CD109: variants seen among roughly 807,000 people sequenced by gnomAD.
CD109 encodes CD109 antigen.
Under a neutral mutation model 165.8 loss-of-function variants are expected in CD109, and 149 were observed. That is an observed-to-expected ratio of 0.90 (90% CI 0.79 to 1.03). CD109 has a LOEUF of 1.03. Among genes scored for constraint, CD109 ranks in the 50% least tolerant of loss-of-function variants. CD109 has a pLI of 0.00. For synonymous variants in CD109, 585 were observed against 592.1 expected (o/e 0.99, Z 0.18); for missense variants, 1,712 against 1,677.8 (o/e 1.02, Z -0.36).
chr6:73,806,499 C>G, intron 24 of CD109, among the ~76,000 whole-genome samples: 1 of 151,830 alleles, frequency 6.6e-6, no homozygotes, highest in East Asian at 1.9e-4. Flanking sequence ...TACCCTAGAA[C>G]TTAAAGTATA....
chr6:73,683,531 G>A, the CD109 span, among the ~76,000 whole-genome samples: 1 of 152,168 alleles, frequency 6.6e-6, no homozygotes, highest in Non-Finnish European at 1.5e-5. Flanking sequence ...CTTCTTCTGA[G>A]CCCTCCAAAC....
At chr6:73,734,908 A>G (rs930984418) in intron 4 of CD109, among the ~76,000 whole-genome samples, 7 of 152,244 alleles carry the variant, frequency 4.6e-5, no homozygotes, top group African/African-American at 1.4e-4. Context: ...AACATATTTT[A>G]CTGCCTTTAA....
Position 73,777,662 on chromosome 6 carries a change from A to G in CD109, c.1828-2762A>G, listed in dbSNP as rs61440772. On this transcript the variant is annotated intron_variant, in intron 15 of 32. Transcript: ENST00000287097. Reference sequence around the variant, plus strand: ...CCAGCTCTCCCAGCACCATTTATTGAATAGGAAATCCTTTCCCCATTGCTT... The same window carrying G: ...CCAGCTCTCCCAGCACCATTTATTGGATAGGAAATCCTTTCCCCATTGCTT... Among the ~76,000 whole-genome samples the G allele has an allele frequency of 6.2e-3, 939 of 152,304 alleles. 15 individuals carry two copies. Among genetic ancestry groups the G allele is most frequent in the African/African-American group, 0.021 (875 of 41,556 alleles).
chr6:73,707,999 TATATATA>T (rs1771360203), intron 2 of CD109, among the ~76,000 whole-genome samples: 3 of 89,086 alleles, frequency 3.4e-5, no homozygotes, highest in African/African-American at 1.2e-4. Context: ...TATATATATA[TATATATA>T]TATTTATTAT....
chr6:73,788,504 T>G lies in CD109; in HGVS notation c.2593T>G (p.Leu865Val), dbSNP rs779134654. Reference protein sequence around the residue: ...GIEKSYSQSILLDLTDNRLQS... With the variant: ...GIEKSYSQSIVLDLTDNRLQS... ...AGAAAAATCATATTCACAATCCATC[T>G]TATTAGACTTGACTGACAATAGGCT... The change falls in exon 22 of 33, where the codon TTA becomes GTA. Residue 865 changes from leucine (L) to valine (V), a missense_variant. Leu to Val is a conservative substitution (Grantham distance 32). Coordinates refer to ENST00000287097, the MANE Select transcript of CD109 (RefSeq NM_133493.5). 1.2e-6 allele frequency: 2 copies of G among 1,611,788 alleles called. No homozygotes were observed. Among genetic ancestry groups the G allele is most frequent in the Admixed American group, 1.7e-5 (1 of 59,242 alleles).
rs386407559 is a variant in CD109 at position 73,725,504 on chromosome 6, C to CTTT, written c.276+2244_276+2246dup. 7.6e-4 allele frequency among the ~76,000 whole-genome samples: 68 copies of CTTT among 89,410 alleles called. 1 individual carries two copies. Among genetic ancestry groups the CTTT allele is most frequent in the East Asian group, 1.7e-3 (5 of 2,962 alleles). The allele number at this position is 89,410 out of a possible 152,430, so 58.7% of individuals were successfully genotyped here. A position where few individuals can be genotyped will look rare whatever the true frequency, so the allele number is the denominator to read the frequency against. On this transcript the variant is annotated intron_variant, in intron 3 of 32. Coordinates refer to ENST00000287097, the MANE Select transcript of CD109 (RefSeq NM_133493.5). ...AACTAGAAATTTGTCTACTACACTTCTTTTTTTTTTTTTTTTTTTTTGAGA... is the reference window on the plus strand; with the variant it reads ...AACTAGAAATTTGTCTACTACACTTCTTTTTTTTTTTTTTTTTTTTTTTTGAGA...
At position 73,823,367 on chromosome 6, in the gene CD109, G is replaced by A. The variant is rs181077262; in HGVS notation, c.4163-91G>A. 6.5e-4 allele frequency: 636 copies of A among 971,008 alleles called. 1 individual carries two copies. In the African/African-American group the frequency reaches 8.4e-3, roughly 13 times the overall value. 60.1% of individuals were successfully genotyped at this position (971,008 alleles called of 1,614,324 possible). On this transcript the variant is annotated intron_variant, in intron 32 of 32. Coordinates refer to ENST00000287097, the MANE Select transcript of CD109 (RefSeq NM_133493.5). ...AATTAGGTTAAGAATGGAAAACTCA[G>A]AAAAGTGTATCGAAATGCTCTTATA...
chr6:73,823,064 T>A (rs1287869312), intron 32 of CD109, among the ~76,000 whole-genome samples: 1 of 152,256 alleles, frequency 6.6e-6, no homozygotes. Flanking sequence ...GTAGTTCTAA[T>A]GATTAGAATT....
intron 1 of CD109, among the ~76,000 whole-genome samples, chr6:73,696,498 A>G (rs1275976803): frequency 6.6e-6 from 1 of 152,068 alleles, no homozygotes; most frequent in Non-Finnish European, 1.5e-5. Context: ...AACTTTCTCC[A>G]CTCATGAAGT....
chr6:73,810,901 A>G lies in CD109; in HGVS notation c.3547-91A>G, dbSNP rs1421259985. Reference sequence around the variant, plus strand: ...AGCATTCCACTCTGAAGGAAGGTGTATGAATATCCAGCAACAAAATACTAC... The same window carrying G: ...AGCATTCCACTCTGAAGGAAGGTGTGTGAATATCCAGCAACAAAATACTAC... On this transcript the variant is annotated intron_variant, in intron 27 of 32. Coordinates refer to ENST00000287097, the MANE Select transcript of CD109 (RefSeq NM_133493.5). The G allele has an allele frequency of 4.7e-6, 6 of 1,273,786 alleles. No homozygotes were observed. In the African/African-American group the frequency reaches 6.0e-5, roughly 13 times the overall value. 78.9% of individuals were successfully genotyped at this position (1,273,786 alleles called of 1,614,324 possible). A position where few individuals can be genotyped will look rare whatever the true frequency, so the allele number is the denominator to read the frequency against.
chr6:73,823,120 G>C (rs1776156106), intron 32 of CD109, among the ~76,000 whole-genome samples: 2 of 152,146 alleles, frequency 1.3e-5, no homozygotes, highest in Non-Finnish European at 2.9e-5. Flanking sequence ...AACTCTTGAG[G>C]AGGTTAAACA....
At chr6:73,781,129 G>A (rs994544201) in intron 16 of CD109, 130 bp from the exon 17 acceptor site, 3 of 642,368 alleles carry the variant, frequency 4.7e-6, no homozygotes, top group Non-Finnish European at 8.2e-6. Flanking sequence ...AAGGTTGAAT[G>A]TATGTGCATG....
Position 73,771,439 on chromosome 6 carries a change from A to T in CD109, c.1685A>T (p.Tyr562Phe). Reference sequence around the variant, plus strand: ...TTCTCTCTTTTTTAGATAAAGCTATATTGGAGTAAAGTGAAAGCTGAACCA... The same window carrying T: ...TTCTCTCTTTTTTAGATAAAGCTATTTTGGAGTAAAGTGAAAGCTGAACCA... ...QLVFKNKIKL[Y>F]WSKVKAEPSE... Residue 562 changes from tyrosine to phenylalanine, a missense_variant, in exon 15 of 33, where the codon TAT becomes TTT. Physicochemically the swap from Tyr to Phe is conservative, Grantham distance 22. Coordinates refer to ENST00000287097, the MANE Select transcript of CD109 (RefSeq NM_133493.5). 1.9e-6 allele frequency: 3 copies of T among 1,604,668 alleles called. No individual in the cohort carries two copies. The highest frequency in any genetic ancestry group is 2.5e-6 in the Non-Finnish European group (3 of 1,176,986).
intron 19 of CD109, among the ~76,000 whole-genome samples, chr6:73,784,105 AAAAG>A (rs1774603688): frequency 6.6e-6 from 1 of 152,190 alleles, no homozygotes; most frequent in African/African-American, 2.4e-5. Flanking sequence ...GAGAGAAAGA[AAAAG>A]AGAGAGAGAG....
upstream of CD109, chr6:73,696,196 C>T: frequency 6.5e-7 from 1 of 1,544,278 alleles, no homozygotes; most frequent in Non-Finnish European, 8.7e-7. Flanking sequence ...CGGACTGTAG[C>T]CCAGGCAGAC....
chr6:73,697,383 T>C lies in CD109; in HGVS notation c.75-17T>C, dbSNP rs1451382519. On this transcript the variant is annotated splice_polypyrimidine_tract_variant and intron_variant, in intron 1 of 32. Coordinates refer to ENST00000287097, the MANE Select transcript of CD109 (RefSeq NM_133493.5). The stretch of plus-strand genomic sequence containing the variant: ...AGGATAAGAAACTTTGTTTTTCCCT[T>C]GTTGGGAACTCTTTAGGCCTCGGTT... 6.2e-7 allele frequency: 1 copy of C among 1,606,370 alleles called. No individual in the cohort carries two copies. The highest frequency in any genetic ancestry group is 8.5e-7 in the Non-Finnish European group (1 of 1,176,764).
chr6:73,753,065 C>T (rs1325877132), intron 5 of CD109, among the ~76,000 whole-genome samples: 1 of 149,972 alleles, frequency 6.7e-6, no homozygotes, highest in Admixed American at 6.6e-5. Context: ...TTAGCAAACC[C>T]TGGCAGAAAA....
At chr6:73,687,400 C>CCTTCCTTCTTT in the CD109 span, among the ~76,000 whole-genome samples, 1 of 151,426 alleles carries the variant, frequency 6.6e-6, no homozygotes, top group Non-Finnish European at 1.5e-5. Context: ...CTCTCTCCTT[C>CCTTCCTTCTTT]CTTCCTTCTT....
intron 18 of CD109, 77 bp downstream of exon 18, chr6:73,782,832 A>G (rs930997678): frequency 3.5e-6 from 5 of 1,409,620 alleles, no homozygotes; most frequent in Non-Finnish European, 4.9e-6. Context: ...CCGCTTTCTA[A>G]TGTTTAAGTA....
Sources: allele counts gnomAD v4.1 joint callset (sites outside exome capture counted in the v4.1 genomes callset), GRCh38; gene constraint gnomAD v4.1.1; transcripts MANE v1.5; gene names NCBI Gene and HGNC (gene_info 2026-07-23, HGNC 2026-07-21).